Variants in ARK2C observed in about 807,000 individuals in gnomAD.
ARK2C encodes the protein arkadia (RNF111) C-terminal like ring finger ubiquitin ligase 2C.
the ARK2C span, among the ~76,000 whole-genome samples, chr18:46,399,180 G>A: frequency 2.6e-5 from 4 of 152,228 alleles, no homozygotes; most frequent in African/African-American, 9.6e-5. Context: ...TCTTTTGGGT[G>A]AGGACAGTGA....
chr18:46,454,922 G>A, the ARK2C span, among the ~76,000 whole-genome samples: 2 of 152,148 alleles, frequency 1.3e-5, no homozygotes, highest in African/African-American at 4.8e-5. Context: ...ACCAAGTATG[G>A]GGTGGTACTT....
chr18:46,352,196 C>T, the ARK2C span, among the ~76,000 whole-genome samples: 1 of 152,172 alleles, frequency 6.6e-6, no homozygotes. Context: ...GCCTTGGGTC[C>T]TATCCAGGAG....
the ARK2C span, among the ~76,000 whole-genome samples, chr18:46,384,082 G>A: frequency 1.3e-5 from 2 of 152,220 alleles, no homozygotes; most frequent in African/African-American, 4.8e-5. Flanking sequence ...GTGAAACTGT[G>A]GGATTCTAGC....
At chr18:46,442,052 A>G in the ARK2C span, among the ~76,000 whole-genome samples, 5 of 149,198 alleles carry the variant, frequency 3.4e-5, no homozygotes, top group East Asian at 9.9e-4. Context: ...AGTCCCAGCT[A>G]CTCGGGAGGC....
the ARK2C span, among the ~76,000 whole-genome samples, chr18:46,439,923 C>G: frequency 1.5e-4 from 23 of 152,178 alleles, no homozygotes; most frequent in African/African-American, 5.6e-4. Flanking sequence ...CTCTGCTTCC[C>G]AGGTTCAAGC....
At chr18:46,396,539 C>T in the ARK2C span, among the ~76,000 whole-genome samples, 1 of 152,190 alleles carries the variant, frequency 6.6e-6, no homozygotes, top group Non-Finnish European at 1.5e-5. Context: ...AGTAGCTTTT[C>T]AGATAATAGT....
At chr18:46,447,488 T>G in the ARK2C span, 1 of 1,557,208 alleles carries the variant, frequency 6.4e-7, no homozygotes. Flanking sequence ...CTCCATAGGC[T>G]TGATGTCTGA....
chr18:46,413,721 C>A, the ARK2C span, among the ~76,000 whole-genome samples: 1 of 152,054 alleles, frequency 6.6e-6, no homozygotes, highest in East Asian at 1.9e-4. Context: ...ATTTAAAAAT[C>A]ATTTTACTCT....
chr18:46,339,374 T>C, the ARK2C span, among the ~76,000 whole-genome samples: 1 of 152,224 alleles, frequency 6.6e-6, no homozygotes, highest in Non-Finnish European at 1.5e-5. Flanking sequence ...TGAGGATGAT[T>C]AGTAACCTAG....
chr18:46,342,335 C>G, the ARK2C span, among the ~76,000 whole-genome samples: 15 of 151,984 alleles, frequency 9.9e-5, no homozygotes, highest in African/African-American at 3.6e-4. Flanking sequence ...GGAATACCTG[C>G]TTTCCCGCCA....
chr18:46,348,552 G>A, the ARK2C span, among the ~76,000 whole-genome samples: 1 of 152,142 alleles, frequency 6.6e-6, no homozygotes, highest in Admixed American at 6.5e-5. Flanking sequence ...GCTACTGCTG[G>A]GAGGGTGGGA....
the ARK2C span, among the ~76,000 whole-genome samples, chr18:46,374,773 G>A: frequency 2.6e-5 from 4 of 152,132 alleles, no homozygotes; most frequent in African/African-American, 7.2e-5. Flanking sequence ...TGAACTGGGG[G>A]GGCTAGAGAC....
chr18:46,418,435 TTTAA>T, the ARK2C span, among the ~76,000 whole-genome samples: 13 of 152,256 alleles, frequency 8.5e-5, no homozygotes, highest in Non-Finnish European at 1.8e-4. Context: ...ATTATCAGTA[TTTAA>T]TTAATTTTAA....
the ARK2C span, chr18:46,450,204 T>C: frequency 1.2e-6 from 1 of 802,876 alleles, no homozygotes; most frequent in African/African-American, 1.7e-5. Context: ...TCTCAGGGTG[T>C]ACTGAGTGGG....
the ARK2C span, among the ~76,000 whole-genome samples, chr18:46,415,212 G>C: frequency 0.079 from 12,043 of 152,172 alleles, 981 homozygotes; most frequent in East Asian, 0.39. Flanking sequence ...CCAAGGCAGT[G>C]ACCTTACCAG....
the ARK2C span, among the ~76,000 whole-genome samples, chr18:46,348,245 AG>A: frequency 3.2e-5 from 2 of 61,736 alleles, no homozygotes; most frequent in Non-Finnish European, 3.4e-5. Context: ...GGGTGAGGGG[AG>A]GGGAAGGGCA....
At chr18:46,383,679 C>A in the ARK2C span, among the ~76,000 whole-genome samples, 1 of 151,950 alleles carries the variant, frequency 6.6e-6, no homozygotes, top group Non-Finnish European at 1.5e-5. Context: ...CTCAGCCTCC[C>A]GAGTAGCTGG....
At chr18:46,437,753 T>C in the ARK2C span, among the ~76,000 whole-genome samples, 1 of 152,144 alleles carries the variant, frequency 6.6e-6, no homozygotes, top group African/African-American at 2.4e-5. Context: ...AGGGCCTGAG[T>C]TCTTTTCACT....
the ARK2C span, among the ~76,000 whole-genome samples, chr18:46,377,750 G>A: frequency 1.3e-5 from 2 of 152,186 alleles, no homozygotes; most frequent in Non-Finnish European, 2.9e-5. Flanking sequence ...ATGTGATGGG[G>A]CATTGTGAGA....
Sources: gnomAD v4.1 joint callset for allele counts (sites outside exome capture counted in the v4.1 genomes callset) on GRCh38, gnomAD v4.1.1 for gene constraint, MANE v1.5 for transcripts, NCBI Gene and HGNC (gene_info 2026-07-23, HGNC 2026-07-21) for gene names.